Variants in CFAP58 observed in about 807,000 individuals in gnomAD.
CFAP58 encodes the protein cilia and flagella associated protein 58.
CFAP58 carries 88 observed loss-of-function variants against 119.5 expected under a neutral mutation model. That is an observed-to-expected ratio of 0.74 (90% confidence interval 0.62 to 0.88). CFAP58 has a LOEUF of 0.88. Among genes scored for constraint, CFAP58 ranks in the 40% least tolerant of loss-of-function variants. CFAP58 has a pLI of 0.00. For synonymous variants in CFAP58, 365 were observed against 366.3 expected, an observed-to-expected ratio of 1.00 and a Z score of 0.04; for missense variants, 990 against 1,021.2, an observed-to-expected ratio of 0.97 and a Z score of 0.42.
chr10:104,365,487 A>G (rs1242811678), intron 4 of CFAP58, among the ~76,000 whole-genome samples: 1 of 152,186 alleles, frequency 6.6e-6, no homozygotes. Context: ...TTTAGTCCCT[A>G]TTGATAAAGA....
chr10:104,441,130 G>A (rs2013030181), intron 15 of CFAP58, among the ~76,000 whole-genome samples: 1 of 152,156 alleles, frequency 6.6e-6, no homozygotes, highest in South Asian at 2.1e-4. Flanking sequence ...AGCCTCCCAA[G>A]TAGCTGGGAT....
At chr10:104,438,343 T>G (rs1246974571) in intron 15 of CFAP58, among the ~76,000 whole-genome samples, 10 of 69,114 alleles carry the variant, frequency 1.4e-4, no homozygotes, top group African/African-American at 7.6e-4. Flanking sequence ...TGTTTTTTGT[T>G]TTTTGTTTTT....
At chr10:104,386,929 A>T (rs2011937255) in intron 9 of CFAP58, among the ~76,000 whole-genome samples, 1 of 152,182 alleles carries the variant, frequency 6.6e-6, no homozygotes, top group Non-Finnish European at 1.5e-5. Context: ...TGACTTCCAG[A>T]CCTGGTCTCT....
the CFAP58 span, among the ~76,000 whole-genome samples, chr10:104,341,619 T>G: frequency 1.3e-5 from 2 of 151,604 alleles, no homozygotes; most frequent in Non-Finnish European, 2.9e-5. Flanking sequence ...TAAAAATAGC[T>G]CATTGAAAAG....
At position 104,371,053 on chromosome 10, in the gene CFAP58, A is replaced by C. The variant is rs754153973; in HGVS notation, c.1089A>C (p.Arg363Ser). The C allele has an allele frequency of 1.2e-6, 2 of 1,600,452 alleles. No homozygotes were observed. The highest frequency in any genetic ancestry group is 1.7e-6 in the Non-Finnish European group (2 of 1,176,194). The stretch of plus-strand genomic sequence containing the variant: ...AAAATCAGATTGTGGGATTAGAGAG[A>C]GGTAAACCATTTTGCGCTTTTATTC... ...TLKNQIVGLE[R>S]EVEASKKQAE... Residue 363 changes from arginine (R) to serine (S), a missense_variant and splice_region_variant, in exon 7 of 18, where the codon AGA becomes AGC. Coordinates refer to ENST00000369704, the MANE Select transcript of CFAP58 (RefSeq NM_001008723.2).
chr10:104,364,652 T>A (rs1432097082), intron 3 of CFAP58, 81 bp from the exon 4 acceptor site: 2 of 1,318,546 alleles, frequency 1.5e-6, no homozygotes, highest in African/African-American at 1.5e-5. Flanking sequence ...ATCTTTCCCA[T>A]GAAAATGAAC....
intron 15 of CFAP58, among the ~76,000 whole-genome samples, chr10:104,433,390 A>C (rs1284981283): frequency 1.3e-5 from 2 of 152,230 alleles, no homozygotes; most frequent in African/African-American, 4.8e-5. Context: ...ATTTGAAGAA[A>C]TTAGAAAGAC....
In CFAP58 at chr10:104,378,736, T is replaced by G. The variant is rs138776317; in HGVS notation, c.1174-1293T>G. The stretch of plus-strand genomic sequence containing the variant: ...CTGAGTTGCAAAAATCTAAAGGCCC[T>G]ATTTCAAAACTCCTGGGGAAGGGTC... On this transcript the variant is annotated intron_variant, in intron 8 of 17. Coordinates refer to ENST00000369704, the MANE Select transcript of CFAP58 (RefSeq NM_001008723.2). 7.6e-3 allele frequency among the ~76,000 whole-genome samples: 1,161 copies of G among 152,304 alleles called. 15 individuals carry two copies. Among genetic ancestry groups the G allele is most frequent in the African/African-American group, 0.027 (1,111 of 41,564 alleles).
intron 17 of CFAP58, among the ~76,000 whole-genome samples, chr10:104,453,982 G>A (rs2013236789): frequency 6.6e-6 from 1 of 152,086 alleles, no homozygotes; most frequent in South Asian, 2.1e-4. Context: ...GTTTGATGAA[G>A]ATACCTTCTG....
At chr10:104,354,048 C>T in intron 1 of CFAP58, 142 bp downstream of exon 1, 1 of 1,050,150 alleles carries the variant, frequency 9.5e-7, no homozygotes, top group Non-Finnish European at 1.4e-6. Context: ...CACTCCCGCG[C>T]CTTTCTCCGT....
chr10:104,371,015 A>G lies in CFAP58; in HGVS notation c.1051A>G (p.Lys351Glu), dbSNP rs139679988. The change falls in exon 7 of 18, where the codon AAA becomes GAA. Residue 351 changes from lysine to glutamate, a missense_variant. Physicochemically the swap from Lys to Glu is moderately conservative, Grantham distance 56 (BLOSUM62 1). Transcript: ENST00000369704. ...TCAAAAGGCAGAAGTCGAACAGCAC[A>G]AAGAAACCCTAAAAAATCAGATTGT... is the stretch of plus-strand genomic sequence containing the variant. ...EDQKAEVEQH[K>E]ETLKNQIVGL... 2,610 of 1,612,286 alleles carry G rather than the reference A, an allele frequency of 1.6e-3. 40 individuals carry two copies. In the African/African-American group the frequency reaches 0.032, roughly 20 times the overall value.
rs759218646 is a variant in CFAP58, at chr10:104,374,965, C to T, written c.1091-1846C>T. On this transcript the variant is annotated intron_variant, in intron 7 of 17. Transcript: ENST00000369704. ...GTTTTTAAAAATTCGGATGCTGATG[C>T]ACATTTATAGTATGGAAAGGTATTT... Among the ~76,000 whole-genome samples the T allele has an allele frequency of 6.2e-4, 94 of 151,490 alleles. 2 individuals carry two copies. Among genetic ancestry groups the T allele is most frequent in the Non-Finnish European group, 1.3e-3 (86 of 67,888 alleles).
chr10:104,436,262 A>G (rs943134264), intron 15 of CFAP58, among the ~76,000 whole-genome samples: 1 of 152,244 alleles, frequency 6.6e-6, no homozygotes, highest in Non-Finnish European at 1.5e-5. Flanking sequence ...TTATTAGAGT[A>G]GTGTATGTAT....
chr10:104,353,070 T>A (rs1447857080), upstream of CFAP58: 2 of 152,150 alleles, frequency 1.3e-5, no homozygotes, highest in East Asian at 1.9e-4. Flanking sequence ...GAGAGGAGTC[T>A]TACACATTTC....
intron 15 of CFAP58, among the ~76,000 whole-genome samples, chr10:104,427,958 G>A (rs2133075396): frequency 6.6e-6 from 1 of 152,334 alleles, no homozygotes; most frequent in East Asian, 1.9e-4. Flanking sequence ...TGTTGTGTGA[G>A]AGTGGGTAGT....
chr10:104,343,553 C>T, the CFAP58 span, among the ~76,000 whole-genome samples: 2 of 152,040 alleles, frequency 1.3e-5, no homozygotes, highest in Non-Finnish European at 2.9e-5. Flanking sequence ...TTTTATTTCA[C>T]AACCCAGTAT....
chr10:104,420,006 TA>T (rs2133066456), intron 15 of CFAP58, among the ~76,000 whole-genome samples: 1 of 152,250 alleles, frequency 6.6e-6, no homozygotes, highest in Admixed American at 6.5e-5. Context: ...ATCAGGAAAC[TA>T]AAGCTCAGAT....
intron 15 of CFAP58, among the ~76,000 whole-genome samples, chr10:104,433,199 T>C (rs960134797): frequency 6.6e-6 from 1 of 152,164 alleles, no homozygotes; most frequent in Non-Finnish European, 1.5e-5. Flanking sequence ...GATCAAGCCA[T>C]CCACCTGCCT....
chr10:104,356,721 G>T (rs150152965), intron 1 of CFAP58, among the ~76,000 whole-genome samples: 3 of 151,828 alleles, frequency 2.0e-5, no homozygotes, highest in African/African-American at 4.8e-5. Context: ...CTTTCTGTGG[G>T]TTCATAGAGA....
Sources: gnomAD v4.1 joint callset for allele counts (sites outside exome capture counted in the v4.1 genomes callset) on GRCh38, gnomAD v4.1.1 for gene constraint, MANE v1.5 for transcripts, NCBI Gene and HGNC (gene_info 2026-07-23, HGNC 2026-07-21) for gene names.